Variants in GTF3C3 observed in about 807,000 individuals in gnomAD.
The protein encoded by GTF3C3 is general transcription factor 3C polypeptide 3.
A neutral mutation model predicts 105.2 loss-of-function variants in GTF3C3; 75 were observed. The observed-to-expected ratio is 0.71, with a 90% CI of 0.59 to 0.86. GTF3C3 has a LOEUF of 0.86. Ranked by LOEUF, GTF3C3 falls within the 40% of genes least tolerant of loss-of-function variation. The pLI, the probability that GTF3C3 is intolerant of heterozygous loss-of-function variation, is 0.00. For missense variants in GTF3C3, 856 were observed against 1,076.5 expected, an observed-to-expected ratio of 0.80 and a Z score of 2.87; for synonymous variants, 335 against 370.4, an observed-to-expected ratio of 0.90 and a Z score of 1.10.
At chr2:196,797,349 G>A (rs1232019271) in intron 2 of GTF3C3, among the ~76,000 whole-genome samples, 1 of 152,220 alleles carries the variant, frequency 6.6e-6, no homozygotes, top group Admixed American at 6.5e-5. Context: ...CAAGACACCT[G>A]TGCTGTGTGT....
Position 196,785,524 on chromosome 2 carries a change from GTT to G in GTF3C3, c.956_957del (p.Lys319ThrfsTer11). On this transcript the variant is annotated frameshift_variant, in exon 7 of 18. Transcript: ENST00000263956. LOFTEE classifies it high-confidence loss of function. Reference protein sequence around the residue: ...AINIIDEAFSKHQGLVSMEDV... With the variant: ...AINIIDEAFSXHQGLVSMEDV... ...TCTTCCATGGAGACTAGGCCCTGGT[GTT>G]TTGAGAAAGCTTCATCAATTATGTT... 1 of 1,605,898 alleles carries G rather than the reference GTT, an allele frequency of 6.2e-7. No homozygotes were observed. The highest frequency in any genetic ancestry group is 8.5e-7 in the Non-Finnish European group (1 of 1,173,038).
At chr2:196,779,963 G>A (rs890450753) in intron 9 of GTF3C3, 8 of 152,586 alleles carry the variant, frequency 5.2e-5, no homozygotes, top group African/African-American at 1.7e-4. Context: ...TTATAAGTGT[G>A]CACCATGGTG....
chr2:196,775,241 T>C lies in GTF3C3; in HGVS notation c.1706A>G (p.Asn569Ser). Reference protein sequence around the residue: ...MLAMLLKVAMNRAQVCLISSS... With the variant: ...MLAMLLKVAMSRAQVCLISSS... ...GGATATCAAACAAACTTGGGCTCGA[T>C]TCATTGCTACCTGAATTAAAGATGA... The change falls in exon 13 of 18, where the codon AAT becomes AGT. Residue 569 changes from asparagine (N) to serine (S), a missense_variant. Asn to Ser is a conservative substitution (Grantham distance 46, BLOSUM62 1). Coordinates refer to ENST00000263956, the MANE Select transcript of GTF3C3 (RefSeq NM_012086.5). The C allele has an allele frequency of 6.2e-7, 1 of 1,601,864 alleles. No homozygotes were observed. The highest frequency in any genetic ancestry group is 8.5e-7 in the Non-Finnish European group (1 of 1,176,190).
intron 1 of GTF3C3, among the ~76,000 whole-genome samples, chr2:196,798,778 C>T (rs1482157795): frequency 6.8e-6 from 1 of 146,372 alleles, no homozygotes; most frequent in African/African-American, 2.6e-5. Context: ...AGGAGAATCG[C>T]TTGAAACCAG....
At position 196,786,715 on chromosome 2, in the gene GTF3C3, C is replaced by A. The variant is rs530248527; in HGVS notation, c.894-1127G>T. Among the ~76,000 whole-genome samples the A allele has an allele frequency of 5.9e-5, 9 of 152,132 alleles. No homozygotes were observed. The highest frequency in any genetic ancestry group is 2.2e-4 in the African/African-American group (9 of 41,514). ...TAAAAAATTCTCCCACCCCTACAAC[C>A]CATTCCTCTGCTCCCCTTGCAAATT... On this transcript the variant is annotated intron_variant, in intron 6 of 17. Coordinates refer to ENST00000263956, the MANE Select transcript of GTF3C3 (RefSeq NM_012086.5). This position sits in a 1 kb window ranked among gnomAD's most constrained non-coding sequence, Gnocchi z 4.2.
chr2:196,771,710 T>A (rs1342280566), intron 15 of GTF3C3, 38 bp downstream of exon 15: 2 of 1,431,640 alleles, frequency 1.4e-6, no homozygotes, highest in East Asian at 4.5e-5. Context: ...TTCACCACAC[T>A]ATTTATGCTT....
At chr2:196,788,042 T>G (rs1699482054) in intron 6 of GTF3C3, among the ~76,000 whole-genome samples, 1 of 152,208 alleles carries the variant, frequency 6.6e-6, no homozygotes. Flanking sequence ...TTTCACAAAG[T>G]CAAAGGCTAC....
At chr2:196,783,098 T>C (rs557962154) in intron 8 of GTF3C3, among the ~76,000 whole-genome samples, 124 of 152,310 alleles carry the variant, frequency 8.1e-4, no homozygotes, top group African/African-American at 2.9e-3. Flanking sequence ...GTATCTGTTT[T>C]AATCTCCTAG....
At chr2:196,789,847 T>C in intron 5 of GTF3C3, 32 bp downstream of exon 5, 2 of 1,353,864 alleles carry the variant, frequency 1.5e-6, no homozygotes, top group South Asian at 1.4e-5. Context: ...TAACAGCTTG[T>C]AAAAGTGAAA....
intron 2 of GTF3C3, among the ~76,000 whole-genome samples, chr2:196,794,836 C>T (rs1009262728): frequency 2.0e-5 from 3 of 150,816 alleles, no homozygotes; most frequent in Non-Finnish European, 4.4e-5. Flanking sequence ...CCAGGTGATT[C>T]TCATGCCTCA....
At chr2:196,784,564 A>G (rs1421918588) in intron 8 of GTF3C3, among the ~76,000 whole-genome samples, 2 of 152,164 alleles carry the variant, frequency 1.3e-5, no homozygotes, top group Non-Finnish European at 1.5e-5. Flanking sequence ...GTTTTTGATA[A>G]ACTTCAGTAA....
At chr2:196,782,867 T>C (rs555013531) in intron 8 of GTF3C3, among the ~76,000 whole-genome samples, 5 of 152,186 alleles carry the variant, frequency 3.3e-5, no homozygotes, top group Non-Finnish European at 7.3e-5. Context: ...TATATATATT[T>C]ATAGCCCCTA....
At chr2:196,768,183 C>G (rs1699106212) in intron 16 of GTF3C3, among the ~76,000 whole-genome samples, 1 of 152,010 alleles carries the variant, frequency 6.6e-6, no homozygotes, top group Non-Finnish European at 1.5e-5. Context: ...ACACCTGGCT[C>G]ATTTTTGTAT....
At position 196,793,167 on chromosome 2, in the gene GTF3C3, A is replaced by G. The variant is rs1324060137; in HGVS notation, c.215-15T>C. On this transcript the variant is annotated splice_polypyrimidine_tract_variant and intron_variant, in intron 2 of 17. Transcript: ENST00000263956. Reference sequence around the variant, plus strand: ...TGATGTTTCTCCTGAGAAAAGAGACATTGATGGGGGAGGGGTGGGGAAGCT... The same window carrying G: ...TGATGTTTCTCCTGAGAAAAGAGACGTTGATGGGGGAGGGGTGGGGAAGCT... The G allele has an allele frequency of 1.3e-6, 2 of 1,556,674 alleles. No individual in the cohort carries two copies. Among genetic ancestry groups the G allele is most frequent in the African/African-American group, 1.4e-5 (1 of 73,304 alleles).
intron 8 of GTF3C3, among the ~76,000 whole-genome samples, chr2:196,784,268 T>G (rs920219849): frequency 9.9e-5 from 15 of 152,050 alleles, no homozygotes; most frequent in African/African-American, 3.6e-4. Flanking sequence ...AAGAGCCGGG[T>G]TATATACTCT....
chr2:196,765,909 C>G (rs1208606517), intron 17 of GTF3C3, among the ~76,000 whole-genome samples: 24 of 149,594 alleles, frequency 1.6e-4, no homozygotes, highest in African/African-American at 5.9e-4. Flanking sequence ...ACTCAGGAGG[C>G]TGAGGCAGGA....
Position 196,766,613 on chromosome 2 carries a change from T to TTGC in GTF3C3, c.2489_2490insGCA (p.Ala830_Ile831insGln). On this transcript the variant is annotated inframe_insertion, in exon 17 of 18. Coordinates refer to ENST00000263956, the MANE Select transcript of GTF3C3 (RefSeq NM_012086.5). ...CCAGGGCCTTCTGATAATAGTGGAT[T>TTGC]GCAAGATGAATCAGCCCCAACTGAT... 1 of 1,613,064 alleles carries TTGC rather than the reference T, an allele frequency of 6.2e-7. No homozygotes were observed. Among genetic ancestry groups the TTGC allele is most frequent in the Non-Finnish European group, 8.5e-7 (1 of 1,179,210 alleles).
intron 4 of GTF3C3, among the ~76,000 whole-genome samples, chr2:196,790,738 C>T (rs1287168649): frequency 1.3e-5 from 2 of 152,028 alleles, no homozygotes; most frequent in African/African-American, 4.8e-5. Context: ...TATAATAAGA[C>T]TTCTAAAAGG....
chr2:196,772,933 C>A lies in GTF3C3; in HGVS notation c.2052G>T (p.Lys684Asn). 1 of 1,556,166 alleles carries A rather than the reference C, an allele frequency of 6.4e-7. No homozygotes were observed. The highest frequency in any genetic ancestry group is 8.7e-7 in the Non-Finnish European group (1 of 1,146,714). ...SAAILDKNFR[K>N]AYNYIRIMVM... is the part of the protein sequence containing the mutation. ...GAAATCACCTGATATAGTTGTATGC[C>A]TTTCTGAAATTTTTGTCCAGAATTG... The change falls in exon 14 of 18, where the codon AAG becomes AAT. Residue 684 changes from lysine to asparagine, a missense_variant. By Grantham distance (94) the Lys-to-Asn change is moderately conservative. Coordinates refer to ENST00000263956, the MANE Select transcript of GTF3C3 (RefSeq NM_012086.5).
Sources: gnomAD v4.1 joint callset for allele counts (sites outside exome capture counted in the v4.1 genomes callset) on GRCh38, gnomAD v4.1.1 for gene constraint, Gnocchi (gnomAD v3.1) non-coding constraint, MANE v1.5 for transcripts, NCBI Gene and HGNC (gene_info 2026-07-23, HGNC 2026-07-21) for gene names.